ANKRD44: variants seen among roughly 807,000 people sequenced by gnomAD.
ANKRD44 encodes serine/threonine-protein phosphatase 6 regulatory ankyrin repeat subunit B.
A neutral mutation model predicts 116.0 loss-of-function variants in ANKRD44; 35 were observed. That is an observed-to-expected ratio of 0.30 (90% CI 0.23 to 0.40). ANKRD44 has a LOEUF of 0.40. Ranked by LOEUF, ANKRD44 falls within the 10% of genes least tolerant of loss-of-function variation. The probability of loss-of-function intolerance (pLI) is 1.00; values close to 1 mark genes in which losing one functional copy is unlikely to be tolerated. For synonymous variants in ANKRD44, 435 were observed against 461.8 expected (o/e 0.94, Z 0.74); for missense variants, 1,014 against 1,242.6 (o/e 0.82, Z 2.77).
chr2:197,084,725 C>G (rs929527122), intron 13 of ANKRD44, among the ~76,000 whole-genome samples: 8 of 151,880 alleles, frequency 5.3e-5, no homozygotes, highest in Non-Finnish European at 1.0e-4. Context: ...TAGTTTCTCT[C>G]TCATTAGTTG....
At chr2:197,035,022 TG>T (rs1288436139) in intron 16 of ANKRD44, among the ~76,000 whole-genome samples, 5 of 152,238 alleles carry the variant, frequency 3.3e-5, no homozygotes, top group Non-Finnish European at 5.9e-5. Flanking sequence ...TCCACAGGAT[TG>T]GAGGACTCAC....
intron 10 of ANKRD44, among the ~76,000 whole-genome samples, chr2:197,096,172 A>T (rs952550560): frequency 3.9e-5 from 6 of 152,176 alleles, no homozygotes; most frequent in African/African-American, 1.4e-4. Flanking sequence ...CATCACACTT[A>T]GCATGCATGA....
At chr2:197,210,264 G>A (rs960990650) in intron 1 of ANKRD44, among the ~76,000 whole-genome samples, 8 of 152,214 alleles carry the variant, frequency 5.3e-5, no homozygotes, top group African/African-American at 9.6e-5. Context: ...GGCTTGAGAT[G>A]TGTTGAGAAG....
At chr2:197,069,800 G>A (rs997049631) in intron 16 of ANKRD44, among the ~76,000 whole-genome samples, 1 of 151,916 alleles carries the variant, frequency 6.6e-6, no homozygotes, top group Admixed American at 6.6e-5. Flanking sequence ...AACCTTGCTA[G>A]AATTTTGATA....
chr2:197,177,001 A>G (rs763988761), intron 2 of ANKRD44, among the ~76,000 whole-genome samples: 5 of 152,204 alleles, frequency 3.3e-5, no homozygotes, highest in Non-Finnish European at 7.3e-5. Flanking sequence ...GTTATTTAAC[A>G]TTTGAAACCT....
At chr2:197,078,321 AC>A in intron 16 of ANKRD44, 1 of 260,842 alleles carries the variant, frequency 3.8e-6, no homozygotes. Context: ...ACACACACAC[AC>A]ACACGCATAC....
intron 1 of ANKRD44, among the ~76,000 whole-genome samples, chr2:197,192,199 T>C (rs2080841181): frequency 6.6e-6 from 1 of 152,210 alleles, no homozygotes; most frequent in South Asian, 2.1e-4. Context: ...TCTGTACTAA[T>C]GAATTGGCTT....
chr2:197,247,435 T>C (rs2082217832), intron 1 of ANKRD44, among the ~76,000 whole-genome samples: 1 of 152,150 alleles, frequency 6.6e-6, no homozygotes, highest in Non-Finnish European at 1.5e-5. Flanking sequence ...GAAAGAAAAT[T>C]TAGCAACCCT....
At chr2:197,099,674 T>C in intron 10 of ANKRD44, 142 bp downstream of exon 10, 1 of 1,322,864 alleles carries the variant, frequency 7.6e-7, no homozygotes, top group Non-Finnish European at 9.7e-7. Context: ...CTTAATTTAT[T>C]TAAAATTTAA....
intron 2 of ANKRD44, among the ~76,000 whole-genome samples, chr2:197,178,471 TA>T (rs59834536): frequency 0.067 from 9,666 of 144,160 alleles, 1,019 homozygotes; most frequent in African/African-American, 0.23. Flanking sequence ...ACCCTGTCTC[TA>T]AAAAAAAAAA....
chr2:197,131,192 CT>C (rs11313608), intron 4 of ANKRD44, among the ~76,000 whole-genome samples: 86,876 of 129,940 alleles, frequency 0.67, 28,658 homozygotes, highest in East Asian at 0.88. Flanking sequence ...ATAGTAAGTA[CT>C]TTTTTTTTTT....
At chr2:197,003,420 T>C (rs1215879242) in intron 21 of ANKRD44, among the ~76,000 whole-genome samples, 1 of 152,170 alleles carries the variant, frequency 6.6e-6, no homozygotes, top group African/African-American at 2.4e-5. Context: ...CCAAAGGATC[T>C]AGCTTAGGGT....
chr2:197,286,926 G>A (rs182730779), intron 1 of ANKRD44, among the ~76,000 whole-genome samples: 154 of 152,284 alleles, frequency 1.0e-3, no homozygotes, highest in African/African-American at 3.6e-3. Context: ...ATCAGTGGTT[G>A]CCAGGGGTTA....
chr2:197,229,328 G>A (rs907692413), intron 1 of ANKRD44, among the ~76,000 whole-genome samples: 1 of 152,156 alleles, frequency 6.6e-6, no homozygotes. Context: ...AGGAAAAAAT[G>A]AAAATGAATT....
chr2:197,284,503 A>AACACACACACAC (rs10547024), intron 1 of ANKRD44, among the ~76,000 whole-genome samples: 185 of 137,856 alleles, frequency 1.3e-3, no homozygotes, highest in African/African-American at 4.5e-3. Context: ...CAGAGAGTCA[A>AACACACACACAC]ACACACACAC....
At chr2:197,190,004 G>C (rs995892325) in intron 1 of ANKRD44, among the ~76,000 whole-genome samples, 2 of 152,162 alleles carry the variant, frequency 1.3e-5, no homozygotes, top group African/African-American at 4.8e-5. Flanking sequence ...CCAGAGAAGG[G>C]CGCCAGCACA....
intron 1 of ANKRD44, among the ~76,000 whole-genome samples, chr2:197,260,304 A>G (rs1336629910): frequency 3.3e-5 from 5 of 151,974 alleles, no homozygotes; most frequent in East Asian, 1.9e-4. Context: ...TCATTGTTCA[A>G]TTCCCACCTA....
chr2:197,025,723 C>T (rs1018998106), intron 16 of ANKRD44, among the ~76,000 whole-genome samples: 1 of 152,196 alleles, frequency 6.6e-6, no homozygotes, highest in Non-Finnish European at 1.5e-5. Flanking sequence ...TATGGAGTGA[C>T]TGACAGGCTG....
At chr2:197,222,096 G>A (rs1038718720) in intron 1 of ANKRD44, among the ~76,000 whole-genome samples, 2 of 152,206 alleles carry the variant, frequency 1.3e-5, no homozygotes, top group African/African-American at 2.4e-5. Context: ...TGGAGGAAAA[G>A]GAGAAATAAA....
Sources: gnomAD v4.1 joint callset for allele counts (sites outside exome capture counted in the v4.1 genomes callset) on GRCh38, gnomAD v4.1.1 for gene constraint, MANE v1.5 for transcripts, NCBI Gene and HGNC (gene_info 2026-07-23, HGNC 2026-07-21) for gene names.